The following TBC1D22A variants were observed in gnomAD, a reference collection of about 807,000 sequenced individuals.
TBC1D22A encodes the protein putative GTPase activator.
In TBC1D22A, 38 loss-of-function variants were observed where a neutral mutation model predicts 60.2. The observed-to-expected ratio is 0.63, with a 90% confidence interval of 0.49 to 0.83. The LOEUF is 0.83. Ranked by LOEUF, TBC1D22A falls within the 40% of genes least tolerant of loss-of-function variation. The pLI is 0.00. For missense variants in TBC1D22A, 628 were observed against 701.0 expected (o/e 0.90, Z 1.18); for synonymous variants, 302 against 281.7 (o/e 1.07, Z -0.72).
rs143051149 is a variant in TBC1D22A at position 46,840,668 on chromosome 22, G to A, written c.638-37985G>A. Among the ~76,000 whole-genome samples, 23 of 152,230 alleles carry A rather than the reference G, an allele frequency of 1.5e-4. No homozygotes were observed. In the East Asian group the frequency reaches 4.4e-3, roughly 29 times the overall value. ...GAATGGCTTGAACCCAGAAGGCGGA[G>A]GTTGCAGTGAGCCGAGATTGCGCCA... On this transcript the variant is annotated intron_variant, in intron 4 of 12. Coordinates refer to ENST00000337137, the MANE Select transcript of TBC1D22A (RefSeq NM_014346.5).
chr22:47,103,034 C>A (rs1410009364), intron 11 of TBC1D22A, among the ~76,000 whole-genome samples: 1 of 152,158 alleles, frequency 6.6e-6, no homozygotes, highest in Non-Finnish European at 1.5e-5. Context: ...CACATTTCTT[C>A]CCCCCTCTCC....
At chr22:46,995,226 A>G (rs2075079884) in intron 9 of TBC1D22A, among the ~76,000 whole-genome samples, 1 of 152,144 alleles carries the variant, frequency 6.6e-6, no homozygotes, top group South Asian at 2.1e-4. Context: ...CTGCTACACA[A>G]GGTCACCGGA....
chr22:47,171,055 C>T (rs1030268117), intron 12 of TBC1D22A, among the ~76,000 whole-genome samples: 5 of 152,194 alleles, frequency 3.3e-5, no homozygotes, highest in Non-Finnish European at 5.9e-5. Flanking sequence ...TCTGTCCAGG[C>T]TCTGTGCCTG....
At chr22:47,132,350 G>A (rs144337044) in intron 12 of TBC1D22A, among the ~76,000 whole-genome samples, 3 of 152,244 alleles carry the variant, frequency 2.0e-5, no homozygotes, top group East Asian at 1.9e-4. Context: ...GCTTCCTTCC[G>A]ATCCACCTTC....
intron 1 of TBC1D22A, among the ~76,000 whole-genome samples, chr22:46,776,331 TAGTG>T (rs2083704060): frequency 6.6e-6 from 1 of 151,466 alleles, no homozygotes; most frequent in South Asian, 2.1e-4. Flanking sequence ...TGCGTGGAAG[TAGTG>T]GGCACAGCTG....
intron 4 of TBC1D22A, among the ~76,000 whole-genome samples, chr22:46,830,864 G>A (rs900056663): frequency 7.2e-5 from 11 of 152,160 alleles, no homozygotes; most frequent in African/African-American, 2.7e-4. Flanking sequence ...TGTGCCGAGC[G>A]GGCTCTGGGC....
At chr22:46,974,772 C>T (rs1360514479) in intron 9 of TBC1D22A, among the ~76,000 whole-genome samples, 1 of 152,208 alleles carries the variant, frequency 6.6e-6, no homozygotes, top group Non-Finnish European at 1.5e-5. Flanking sequence ...AGATCGGGGG[C>T]CACAGCTCCT....
In TBC1D22A at chr22:46,858,566, G is replaced by A. The variant is rs116024571; in HGVS notation, c.638-20087G>A. Among the ~76,000 whole-genome samples, 536 of 152,300 alleles carry A rather than the reference G, an allele frequency of 3.5e-3. 4 individuals carry two copies. The highest frequency in any genetic ancestry group is 0.012 in the African/African-American group (511 of 41,574). On this transcript the variant is annotated intron_variant, in intron 4 of 12. Transcript: ENST00000337137. ...GTAGTCGCGGGAACGCATGCCATCCGTGTTCCTGCAGAGGCGCCTGCAGGC... is the reference window on the plus strand; with the variant it reads ...GTAGTCGCGGGAACGCATGCCATCCATGTTCCTGCAGAGGCGCCTGCAGGC...
chr22:46,981,855 C>T (rs1345886071), intron 9 of TBC1D22A, among the ~76,000 whole-genome samples: 1 of 152,302 alleles, frequency 6.6e-6, no homozygotes, highest in African/African-American at 2.4e-5. Flanking sequence ...GTGTACTGCA[C>T]AGTTTGGGCA....
chr22:46,762,810 G>T lies in TBC1D22A; in HGVS notation c.24G>T (p.Lys8Asn). 1 of 1,457,102 alleles carries T rather than the reference G, an allele frequency of 6.9e-7. No individual in the cohort carries two copies. The highest frequency in any genetic ancestry group is 9.0e-7 in the Non-Finnish European group (1 of 1,112,412). 90.3% of individuals were successfully genotyped at this position (1,457,102 alleles called of 1,614,324 possible). A position where few individuals can be genotyped will look rare whatever the true frequency, so the allele number is the denominator to read the frequency against. Residue 8 changes from lysine (K) to asparagine (N), a missense_variant, in exon 1 of 13, where the codon AAG becomes AAT. Transcript: ENST00000337137. The stretch of plus-strand genomic sequence containing the variant: ...CCATGGCCAGCGACGGGGCCAGGAA[G>T]CAATTCTGGAAGCGCAGCAACAGCA... MASDGAR[K>N]QFWKRSNSKL...
chr22:47,126,853 A>G (rs2066476939), intron 12 of TBC1D22A, among the ~76,000 whole-genome samples: 1 of 152,176 alleles, frequency 6.6e-6, no homozygotes, highest in African/African-American at 2.4e-5. Flanking sequence ...GAGTTCTGGA[A>G]CATCTCTGAA....
intron 8 of TBC1D22A, among the ~76,000 whole-genome samples, chr22:46,922,655 G>A (rs1025066497): frequency 6.6e-6 from 1 of 152,080 alleles, no homozygotes; most frequent in Non-Finnish European, 1.5e-5. Flanking sequence ...ATGTTACCTG[G>A]TTAGCTGTAT....
chr22:46,885,650 T>C (rs1281159900), intron 5 of TBC1D22A, among the ~76,000 whole-genome samples: 1 of 152,174 alleles, frequency 6.6e-6, no homozygotes, highest in Non-Finnish European at 1.5e-5. Flanking sequence ...GAACTTGAAG[T>C]AGAAGCTTGT....
At chr22:46,888,172 G>C (rs559380862) in intron 5 of TBC1D22A, among the ~76,000 whole-genome samples, 1 of 152,302 alleles carries the variant, frequency 6.6e-6, no homozygotes, top group East Asian at 1.9e-4. Flanking sequence ...CCTGCCTTGG[G>C]CCACCTCTCC....
chr22:46,793,486 G>A lies in TBC1D22A; in HGVS notation c.120-15G>A. ...CTTCGAGCATGTACGAGTAAAGACT[G>A]CCTTTGCATTGCAGTTTGCTCAGGT... On this transcript the variant is annotated splice_polypyrimidine_tract_variant and intron_variant, in intron 2 of 12. Transcript: ENST00000337137. The A allele has an allele frequency of 1.2e-6, 2 of 1,613,856 alleles. No individual in the cohort carries two copies. Among genetic ancestry groups the A allele is most frequent in the South Asian group, 2.2e-5 (2 of 91,072 alleles).
chr22:46,862,773 T>A (rs1193656642), intron 4 of TBC1D22A, among the ~76,000 whole-genome samples: 1 of 151,940 alleles, frequency 6.6e-6, no homozygotes, highest in East Asian at 1.9e-4. Flanking sequence ...GGCCCCACCC[T>A]GGGAGGTGCA....
chr22:47,063,968 TCTTCAGGTGCCCTGTTTTCCTC>T (rs1569409597), intron 11 of TBC1D22A, among the ~76,000 whole-genome samples: 1 of 48,388 alleles, frequency 2.1e-5, no homozygotes, highest in African/African-American at 1.2e-4. Context: ...CTGAACTGCA[TCTTCAGGTGCCCTGTTTTCCTC>T]TTCTGTGAGG....
intron 12 of TBC1D22A, among the ~76,000 whole-genome samples, chr22:47,150,781 C>A (rs1375445113): frequency 6.6e-6 from 1 of 152,158 alleles, no homozygotes; most frequent in Admixed American, 6.5e-5. Flanking sequence ...CTCCCACCCC[C>A]AGCATCGTCC....
chr22:46,999,889 G>A (rs1209825604), intron 10 of TBC1D22A, among the ~76,000 whole-genome samples: 2 of 152,248 alleles, frequency 1.3e-5, no homozygotes, highest in East Asian at 3.9e-4. Flanking sequence ...GCCGGGCGTG[G>A]TGGCAGGCGC....
Sources: allele counts gnomAD v4.1 joint callset (sites outside exome capture counted in the v4.1 genomes callset), GRCh38; gene constraint gnomAD v4.1.1; transcripts MANE v1.5; gene names NCBI Gene and HGNC (gene_info 2026-07-23, HGNC 2026-07-21).